STK32B: variants seen among roughly 807,000 people sequenced by gnomAD.
STK32B encodes serine/threonine-protein kinase 32B.
A neutral mutation model predicts 52.6 loss-of-function variants in STK32B; 43 were observed. That is an observed-to-expected ratio of 0.82 (90% CI 0.64 to 1.05). The LOEUF (loss-of-function observed/expected upper bound fraction) is 1.05. Among genes scored for constraint, STK32B ranks in the 50% least tolerant of loss-of-function variants. The pLI, the probability that STK32B is intolerant of heterozygous loss-of-function variation, is 0.00. For synonymous variants in STK32B, 238 were observed against 204.3 expected (o/e 1.17, Z -1.41); for missense variants, 621 against 534.6 (o/e 1.16, Z -1.59).
intron 3 of STK32B, among the ~76,000 whole-genome samples, chr4:5,265,429 A>G (rs919976271): frequency 6.6e-6 from 1 of 152,176 alleles, no homozygotes; most frequent in Non-Finnish European, 1.5e-5. Flanking sequence ...TGGCTCAAAT[A>G]TTGACTACGC....
intron 3 of STK32B, among the ~76,000 whole-genome samples, chr4:5,306,034 G>C (rs571380275): frequency 1.2e-4 from 19 of 152,140 alleles, no homozygotes; most frequent in Middle Eastern, 6.8e-3. Context: ...TTTTGGAGTT[G>C]GTTTCCAATT....
rs560567952 is a variant in STK32B, at chr4:5,333,185, A to G, written c.434+1792A>G. ...GTTTCCTGACTTTTTAATGATTGCC[A>G]TTCTAACTGGTGTGAGATGGTATCT... On this transcript the variant is annotated intron_variant, in intron 4 of 11. Coordinates refer to ENST00000282908, the MANE Select transcript of STK32B (RefSeq NM_018401.3). Among the ~76,000 whole-genome samples, 58 of 152,178 alleles carry G rather than the reference A, an allele frequency of 3.8e-4. No homozygotes were observed. In the East Asian group the frequency reaches 0.011, roughly 28 times the overall value.
intron 6 of STK32B, among the ~76,000 whole-genome samples, chr4:5,433,950 T>C (rs1040870956): frequency 6.6e-6 from 1 of 152,196 alleles, no homozygotes; most frequent in Non-Finnish European, 1.5e-5. Context: ...GTTCCTGCTT[T>C]TCTGGAAGGC....
At chr4:5,477,668 A>G (rs1359448403) in intron 11 of STK32B, among the ~76,000 whole-genome samples, 1 of 152,128 alleles carries the variant, frequency 6.6e-6, no homozygotes, top group Non-Finnish European at 1.5e-5. Flanking sequence ...TCCATATGGC[A>G]GTGATCATGA....
intron 1 of STK32B, among the ~76,000 whole-genome samples, chr4:5,068,112 T>C (rs1339936030): frequency 6.6e-6 from 1 of 152,168 alleles, no homozygotes; most frequent in Non-Finnish European, 1.5e-5. Flanking sequence ...CAATAACTTT[T>C]GCACCAACCT....
intron 1 of STK32B, among the ~76,000 whole-genome samples, chr4:5,100,650 CTT>C (rs1713702491): frequency 1.7e-5 from 2 of 120,170 alleles, no homozygotes; most frequent in South Asian, 3.0e-4. Context: ...TTCTTTCTCT[CTT>C]TCTCTTTCAT....
intron 1 of STK32B, among the ~76,000 whole-genome samples, chr4:5,137,090 C>T (rs975514602): frequency 2.0e-5 from 3 of 152,312 alleles, no homozygotes; most frequent in Admixed American, 6.5e-5. Context: ...GTAATTAACA[C>T]CTCCCTCCAG....
chr4:5,419,223 C>T (rs1393559720), intron 6 of STK32B, among the ~76,000 whole-genome samples: 3 of 152,144 alleles, frequency 2.0e-5, no homozygotes, highest in African/African-American at 7.2e-5. Flanking sequence ...ACTTAACAGA[C>T]CTATCTGTTG....
At chr4:5,165,064 G>T (rs1318833116) in intron 2 of STK32B, among the ~76,000 whole-genome samples, 1 of 152,152 alleles carries the variant, frequency 6.6e-6, no homozygotes, top group East Asian at 1.9e-4. Context: ...AGCTCTCTTT[G>T]CTCTGTGTTC....
intron 4 of STK32B, among the ~76,000 whole-genome samples, chr4:5,387,054 A>C (rs920032052): frequency 6.6e-6 from 1 of 152,228 alleles, no homozygotes; most frequent in African/African-American, 2.4e-5. Flanking sequence ...CACACTGCTG[A>C]ACGTGAATGA....
At chr4:5,078,563 C>T (rs887249982) in intron 1 of STK32B, among the ~76,000 whole-genome samples, 2 of 152,118 alleles carry the variant, frequency 1.3e-5, no homozygotes, top group Non-Finnish European at 2.9e-5. Context: ...CAACTACGTC[C>T]GAACCTGTCT....
Position 5,466,876 on chromosome 4 carries a change from G to A in STK32B, c.1041+42G>A, listed in dbSNP as rs372096505. The stretch of plus-strand genomic sequence containing the variant: ...AGCCGTTCCGGGAGAGAAATCCTGT[G>A]CTCATAGGGAAATGACTGAGCCAGG... On this transcript the variant is annotated intron_variant, in intron 10 of 11. Transcript: ENST00000282908. The A allele has an allele frequency of 4.9e-5, 78 of 1,592,836 alleles. No homozygotes were observed. The African/African-American group carries it at 1.0e-3, about 21-fold the overall frequency.
intron 3 of STK32B, among the ~76,000 whole-genome samples, chr4:5,301,286 A>G (rs930084090): frequency 6.6e-6 from 1 of 152,086 alleles, no homozygotes; most frequent in Non-Finnish European, 1.5e-5. Context: ...CTTGCTAGAA[A>G]GCATCGGAAA....
chr4:5,473,103 A>T (rs1399237397), intron 11 of STK32B, among the ~76,000 whole-genome samples: 1 of 152,170 alleles, frequency 6.6e-6, no homozygotes, highest in African/African-American at 2.4e-5. Context: ...TGGTATTCTC[A>T]AGGTCTTGCA....
At chr4:5,127,188 C>T (rs1715458761) in intron 1 of STK32B, 1 of 472,914 alleles carries the variant, frequency 2.1e-6, no homozygotes, top group South Asian at 1.5e-5. Context: ...CATAAGCAAA[C>T]ATCTTCCATT....
chr4:5,189,960 A>G (rs1721048765), intron 3 of STK32B, among the ~76,000 whole-genome samples: 1 of 152,158 alleles, frequency 6.6e-6, no homozygotes, highest in Non-Finnish European at 1.5e-5. Flanking sequence ...GTAGTTGCTC[A>G]GTAAGTAGTT....
At chr4:5,242,439 G>C (rs1577233968) in intron 3 of STK32B, among the ~76,000 whole-genome samples, 1 of 152,084 alleles carries the variant, frequency 6.6e-6, no homozygotes, top group Admixed American at 6.5e-5. Flanking sequence ...TTTTTTTCCT[G>C]TAAATGTGTT....
chr4:5,247,540 C>T (rs757399605), intron 3 of STK32B, among the ~76,000 whole-genome samples: 108 of 152,316 alleles, frequency 7.1e-4, no homozygotes, highest in Non-Finnish European at 1.3e-3. Context: ...CGATGCCTCG[C>T]CCTGCTTTGG....
Position 5,398,456 on chromosome 4 carries a change from C to T in STK32B, c.472+212C>T, listed in dbSNP as rs369756189. Among the ~76,000 whole-genome samples the T allele has an allele frequency of 6.8e-4, 104 of 152,268 alleles. No individual in the cohort carries two copies. The highest frequency in any genetic ancestry group is 2.3e-3 in the South Asian group (11 of 4,822). ...TTGAATCAAAGTTATTTAAACTGTT[C>T]GCATCTGAAGTCATTGCTGTTCATA... On this transcript the variant is annotated intron_variant, in intron 5 of 11. Coordinates refer to ENST00000282908, the MANE Select transcript of STK32B (RefSeq NM_018401.3). The surrounding 1 kb of genome is among the most constrained non-coding windows in gnomAD (Gnocchi z 4.9).
Sources: allele counts gnomAD v4.1 joint callset (sites outside exome capture counted in the v4.1 genomes callset), GRCh38; gene constraint gnomAD v4.1.1; non-coding constraint Gnocchi (gnomAD v3.1); transcripts MANE v1.5; gene names NCBI Gene and HGNC (gene_info 2026-07-23, HGNC 2026-07-21).